Variants in RPS8 observed in about 807,000 individuals in gnomAD.
The protein encoded by RPS8 is small ribosomal subunit protein eS8.
For missense variants in RPS8, 141 were observed against 269.7 expected (o/e 0.52, Z 3.34); for synonymous variants, 100 against 100.7 (o/e 0.99, Z 0.04).
At chr1:44,777,548 C>A in intron 3 of RPS8, 66 bp from the exon 4 acceptor site, 1 of 1,336,820 alleles carries the variant, frequency 7.5e-7, no homozygotes, top group Non-Finnish European at 1.1e-6. Context: ...GCTGAAGAAC[C>A]TGGAGGAGTG....
Position 44,776,440 on chromosome 1 carries a change from T to C in RPS8, c.112-235T>C. ...GTCAGAAGCCTAGTCTTGTTTTTTT[T>C]ACAGAGGCTTAATTTTCAGCATTTG... On this transcript the variant is annotated intron_variant, in intron 2 of 5. Transcript: ENST00000396651. The C allele has an allele frequency of 4.0e-6, 3 of 754,040 alleles. No individual in the cohort carries two copies. In the Admixed American group the frequency reaches 5.2e-5, roughly 13 times the overall value. 46.7% of individuals were successfully genotyped at this position (754,040 alleles called of 1,614,324 possible). A position where few individuals can be genotyped will look rare whatever the true frequency, so the allele number is the denominator to read the frequency against.
intron 5 of RPS8, 94 bp downstream of exon 5, chr1:44,778,223 T>TGGCTG: frequency 2.7e-6 from 4 of 1,484,558 alleles, no homozygotes; most frequent in Non-Finnish European, 3.7e-6. Context: ...CTGCCAGCCA[T>TGGCTG]GCAGTCTAAA....
Position 44,776,186 on chromosome 1 carries a change from C to T in RPS8, c.111+46C>T, listed in dbSNP as rs1650844391. 8 of 1,356,096 alleles carry T rather than the reference C, an allele frequency of 5.9e-6. No homozygotes were observed. The East Asian group carries it at 1.7e-4, about 28-fold the overall frequency. The allele number at this position is 1,356,096 out of a possible 1,614,324, so 84.0% of individuals were successfully genotyped here. A position where few individuals can be genotyped will look rare whatever the true frequency, so the allele number is the denominator to read the frequency against. On this transcript the variant is annotated intron_variant, in intron 2 of 5. Coordinates refer to ENST00000396651, the MANE Select transcript of RPS8 (RefSeq NM_001012.2). ...GTCCGCCTGGGAGGTCGCCTTCCCC[C>T]GCTCTCCAGCGTGCTCGGGTCTTTC...
intron 2 of RPS8, 49 bp from the exon 3 acceptor site, chr1:44,776,626 T>C (rs1345268933): frequency 6.5e-7 from 1 of 1,530,638 alleles, no homozygotes; most frequent in African/African-American, 1.4e-5. Context: ...CTCCCTCACT[T>C]GCCTTGCTCT....
intron 1 of RPS8, 25 bp downstream of exon 1, chr1:44,775,625 G>A (rs375206740): frequency 6.2e-7 from 1 of 1,613,874 alleles, no homozygotes; most frequent in African/African-American, 1.3e-5. Flanking sequence ...GCATTGAGGC[G>A]GGTGAAGGGA....
intron 3 of RPS8, chr1:44,777,336 G>A: frequency 2.6e-6 from 1 of 380,702 alleles, no homozygotes; most frequent in Non-Finnish European, 4.8e-6. Context: ...CTCCCAAAGT[G>A]CTGGGGTTAC....
At chr1:44,776,576 T>C in intron 2 of RPS8, 99 bp from the exon 3 acceptor site, 2 of 980,626 alleles carry the variant, frequency 2.0e-6, no homozygotes, top group South Asian at 2.6e-5. Context: ...GGACTTGTCA[T>C]AGTTACACTG....
At position 44,777,360 on chromosome 1, in the gene RPS8, C is replaced by T. The variant is rs114317646; in HGVS notation, c.212-254C>T. 2.9e-3 allele frequency: 1,310 copies of T among 449,870 alleles called. 15 individuals carry two copies. The highest frequency in any genetic ancestry group is 0.023 in the African/African-American group (1,187 of 50,720). The allele number at this position is 449,870 out of a possible 1,614,324, so 27.9% of individuals were successfully genotyped here. A position where few individuals can be genotyped will look rare whatever the true frequency, so the allele number is the denominator to read the frequency against. ...TGCTGGGGTTACGGGCGTGAGTCAC[C>T]GTGCCCGACCTGCTCTGATCTTTCT... On this transcript the variant is annotated intron_variant, in intron 3 of 5. Coordinates refer to ENST00000396651, the MANE Select transcript of RPS8 (RefSeq NM_001012.2).
At chr1:44,777,361 G>C (rs550308314) in intron 3 of RPS8, 2 of 457,362 alleles carry the variant, frequency 4.4e-6, no homozygotes, top group East Asian at 8.1e-5. Context: ...GTGAGTCACC[G>C]TGCCCGACCT....
intron 2 of RPS8, 179 bp from the exon 3 acceptor site, chr1:44,776,496 G>T (rs776520365): frequency 2.6e-6 from 2 of 767,156 alleles, no homozygotes; most frequent in African/African-American, 1.7e-5. Context: ...AGGCAAGTAG[G>T]GTGATGAAAA....
chr1:44,777,318 G>A (rs898839264), intron 3 of RPS8: 14 of 321,188 alleles, frequency 4.4e-5, no homozygotes, highest in Admixed American at 4.2e-4. Context: ...TGATCCACCC[G>A]CCTTGACCTC....
intron 3 of RPS8, 45 bp from the exon 4 acceptor site, chr1:44,777,569 A>G (rs764804619): frequency 1.3e-6 from 2 of 1,533,424 alleles, no homozygotes; most frequent in Non-Finnish European, 1.8e-6. Context: ...TGCCAGGGCC[A>G]TTTGTCCTCC....
In RPS8 at chr1:44,777,585, A is replaced by C. The variant is rs370913534; in HGVS notation, c.212-29A>C. The C allele has an allele frequency of 1.6e-5, 25 of 1,599,674 alleles. No homozygotes were observed. The Admixed American group carries it at 1.7e-4, about 11-fold the overall frequency. On this transcript the variant is annotated intron_variant, in intron 3 of 5. Coordinates refer to ENST00000396651, the MANE Select transcript of RPS8 (RefSeq NM_001012.2). ...GCCAGGGCCATTTGTCCTCCAGTTT[A>C]CTTGATGCCAAATTTCTCCTGTGAG...
chr1:44,776,582 CACTG>C (rs2148842641), intron 2 of RPS8, 89 bp from the exon 3 acceptor site: 1 of 1,031,700 alleles, frequency 9.7e-7, no homozygotes, highest in Non-Finnish European at 1.5e-6. Context: ...GTCATAGTTA[CACTG>C]ACTGTTGCCT....
rs753935453 is a variant in RPS8, at chr1:44,776,015, T to A, written c.5-19T>A. 1.2e-6 allele frequency: 2 copies of A among 1,611,698 alleles called. No individual in the cohort carries two copies. Among genetic ancestry groups the A allele is most frequent in the Non-Finnish European group, 1.7e-6 (2 of 1,178,382 alleles). On this transcript the variant is annotated intron_variant, in intron 1 of 5. Coordinates refer to ENST00000396651, the MANE Select transcript of RPS8 (RefSeq NM_001012.2). ...CGAGTCACAGTGGCTCAAGCTTCCT[T>A]CCCCGCTTCCACATGCAGGCATCTC...
chr1:44,778,583 C>G lies in RPS8; in HGVS notation c.525C>G (p.Ile175Met), dbSNP rs201044480. The change falls in exon 6 of 6, where the codon ATC (isoleucine) becomes ATG (methionine). Residue 175 changes from isoleucine to methionine, a missense_variant. By Grantham distance (10) the Ile-to-Met change is conservative. Transcript: ENST00000396651. Reference protein sequence around the residue: ...QFQQGKLLACIASRPGQCGRA... With the variant: ...QFQQGKLLACMASRPGQCGRA... The stretch of plus-strand genomic sequence containing the variant: ...TCACCTACTCTCTTGCAGCGTGCAT[C>G]GCTTCAAGGCCGGGACAGTGTGGCC... 2.6e-5 allele frequency: 42 copies of G among 1,613,298 alleles called. No individual in the cohort carries two copies. In the African/African-American group the frequency reaches 5.2e-4, roughly 20 times the overall value.
chr1:44,775,865 G>C (rs572252732), intron 1 of RPS8, 169 bp from the exon 2 acceptor site: 1 of 824,974 alleles, frequency 1.2e-6, no homozygotes. Flanking sequence ...CTGGCCGCAC[G>C]TGTATGATGA....
In RPS8 at chr1:44,778,090, A is replaced by G. The variant is rs779510835; in HGVS notation, c.478A>G (p.Ser160Gly). 6.2e-7 allele frequency: 1 copy of G among 1,603,452 alleles called. No individual in the cohort carries two copies. The highest frequency in any genetic ancestry group is 8.5e-7 in the Non-Finnish European group (1 of 1,174,448). ...AAGGAAAAAGAATGCCAAAATCAGC[A>G]GTCTCCTGGAGGAGCAGTTCCAGCA... ...DERKKNAKIS[S>G]LLEEQFQQGK... The change falls in exon 5 of 6, where the codon AGT (serine) becomes GGT (glycine). Residue 160 changes from serine to glycine, a missense_variant. Ser to Gly is a moderately conservative substitution (Grantham distance 56). Coordinates refer to ENST00000396651, the MANE Select transcript of RPS8 (RefSeq NM_001012.2).
At chr1:44,775,649 C>T in intron 1 of RPS8, 49 bp downstream of exon 1, 1 of 1,612,124 alleles carries the variant, frequency 6.2e-7, no homozygotes, top group Non-Finnish European at 8.5e-7. Context: ...TGAGCTCAAT[C>T]AGGCCCCATC....
Sources: allele counts gnomAD v4.1 joint callset, GRCh38; gene constraint gnomAD v4.1.1; transcripts MANE v1.5; gene names NCBI Gene and HGNC (gene_info 2026-07-23, HGNC 2026-07-21).